The following TAF13 variants were observed in gnomAD, a reference collection of about 807,000 sequenced individuals.
TAF13 encodes transcription initiation factor TFIID subunit 13.
In TAF13, 9 loss-of-function variants were observed where a neutral mutation model predicts 18.7. The ratio of observed to expected loss-of-function variants is 0.48; its 90% CI spans 0.29 to 0.84. The LOEUF (loss-of-function observed/expected upper bound fraction) is 0.84. Ranked by LOEUF, TAF13 falls within the 40% of genes least tolerant of loss-of-function variation. The pLI is 0.08. For synonymous variants in TAF13, 49 were observed against 44.1 expected (o/e 1.11, Z -0.44); for missense variants, 105 against 146.5 (o/e 0.72, Z 1.46).
At chr1:109,073,994 A>G (rs35110103) in intron 2 of TAF13, among the ~76,000 whole-genome samples, 9,180 of 151,506 alleles carry the variant, frequency 0.061, 317 homozygotes, top group African/African-American at 0.076. Context: ...CCCGTCTGGG[A>G]ACTGAGGAGC....
At chr1:109,071,875 C>T (rs187324983) in intron 2 of TAF13, among the ~76,000 whole-genome samples, 243 of 149,674 alleles carry the variant, frequency 1.6e-3, no homozygotes, top group African/African-American at 5.7e-3. Context: ...TCGCTTGAGC[C>T]CAGGAGGCAG....
intron 2 of TAF13, among the ~76,000 whole-genome samples, chr1:109,073,120 G>C (rs111543448): frequency 1.3e-5 from 2 of 152,184 alleles, no homozygotes; most frequent in African/African-American, 4.8e-5. Context: ...CCTGTTGCAG[G>C]ATCCATTATT....
intron 2 of TAF13, among the ~76,000 whole-genome samples, chr1:109,067,279 G>C (rs181424869): frequency 2.0e-5 from 3 of 151,846 alleles, no homozygotes; most frequent in African/African-American, 7.3e-5. Context: ...GCAACATGGC[G>C]AAACCCTGTC....
chr1:109,066,885 A>G (rs1264563677), intron 2 of TAF13, among the ~76,000 whole-genome samples: 1 of 151,630 alleles, frequency 6.6e-6, no homozygotes, highest in Non-Finnish European at 1.5e-5. Flanking sequence ...ACGCCCGGCT[A>G]ATTTTTTGTA....
At position 109,074,979 on chromosome 1, in the gene TAF13, C is replaced by G. The variant is rs748686413; in HGVS notation, c.106+8G>C. ...TCTATAACAAAATCATTGTCAAATA[C>G]TACTTACATTCTTTAGAAAAAAGTC... On this transcript the variant is annotated splice_region_variant and intron_variant, in intron 2 of 3. Transcript: ENST00000338366. 22 of 1,585,954 alleles carry G rather than the reference C, an allele frequency of 1.4e-5. No homozygotes were observed. The East Asian group carries it at 4.3e-4, about 31-fold the overall frequency.
Position 109,071,960 on chromosome 1 carries a change from ATATATATATATATATACACACATAT to A in TAF13, c.106+3002_106+3026del, listed in dbSNP as rs1664065216. Among the ~76,000 whole-genome samples the A allele has an allele frequency of 1.7e-3, 8 of 4,790 alleles. 1 individual carries two copies. The South Asian group carries it at 0.024, about 14-fold the overall frequency. 3.1% of individuals were successfully genotyped at this position (4,790 alleles called of 152,430 possible). A position where few individuals can be genotyped will look rare whatever the true frequency, so the allele number is the denominator to read the frequency against. On this transcript the variant is annotated intron_variant, in intron 2 of 3. Transcript: ENST00000338366. ...TGAGACTCTGTCTCAAAAAGAAAAT[ATATATATATATATATACACACATAT>A]ATATATATATATATATATATATATA...
chr1:109,069,202 A>AGT (rs59365913), intron 2 of TAF13, among the ~76,000 whole-genome samples: 4,234 of 150,302 alleles, frequency 0.028, 159 homozygotes, highest in African/African-American at 0.089. Flanking sequence ...CAAGTGTGTG[A>AGT]GTGTGTGTGT....
chr1:109,072,077 CACACACATAT>C (rs1664082480), intron 2 of TAF13, among the ~76,000 whole-genome samples: 1 of 4,580 alleles, frequency 2.2e-4, no homozygotes, highest in African/African-American at 8.0e-4. Context: ...TATATATATA[CACACACATAT>C]ATATATATAT....
chr1:109,066,681 TGA>T (rs1663956403), intron 2 of TAF13, among the ~76,000 whole-genome samples: 1 of 152,102 alleles, frequency 6.6e-6, no homozygotes, highest in Non-Finnish European at 1.5e-5. Context: ...GGAAAAGACA[TGA>T]GAGACAGTTC....
At chr1:109,074,317 A>T (rs1664141453) in intron 2 of TAF13, among the ~76,000 whole-genome samples, 4 of 152,160 alleles carry the variant, frequency 2.6e-5, no homozygotes, top group Admixed American at 2.6e-4. Flanking sequence ...GTGTCCCCTC[A>T]GGGTTAAATG....
chr1:109,072,045 C>T (rs558649210), intron 2 of TAF13, among the ~76,000 whole-genome samples: 12 of 4,424 alleles, frequency 2.7e-3, no homozygotes, highest in South Asian at 8.5e-3. Context: ...TATATATATA[C>T]ACACACATAT....
intron 1 of TAF13, 95 bp downstream of exon 1, chr1:109,075,826 A>C: frequency 1.3e-6 from 2 of 1,545,904 alleles, no homozygotes; most frequent in Non-Finnish European, 1.8e-6. Flanking sequence ...CGCTGAATTC[A>C]CTAAGGCAAG....
intron 2 of TAF13, among the ~76,000 whole-genome samples, chr1:109,073,832 T>G (rs1664124630): frequency 6.6e-6 from 1 of 151,860 alleles, no homozygotes; most frequent in Admixed American, 6.6e-5. Flanking sequence ...GCCCATCCCC[T>G]GGGATGTGGG....
At chr1:109,070,838 T>A (rs765169564) in intron 2 of TAF13, among the ~76,000 whole-genome samples, 2 of 152,228 alleles carry the variant, frequency 1.3e-5, no homozygotes, top group Non-Finnish European at 2.9e-5. Flanking sequence ...AGGTCTTTGC[T>A]AACAACCGAC....
chr1:109,072,436 GTTTAT>G (rs556135697), intron 2 of TAF13, among the ~76,000 whole-genome samples: 15 of 151,868 alleles, frequency 9.9e-5, no homozygotes, highest in African/African-American at 2.9e-4. Context: ...CCATGTTATT[GTTTAT>G]TTTATTTGTT....
At chr1:109,071,954 G>GAAAAAAAAA (rs1171636503) in intron 2 of TAF13, among the ~76,000 whole-genome samples, 1 of 40,482 alleles carries the variant, frequency 2.5e-5, no homozygotes, top group South Asian at 1.6e-3. Context: ...GTCTCAAAAA[G>GAAAAAAAAA]AAAATATATA....
intron 2 of TAF13, among the ~76,000 whole-genome samples, chr1:109,069,362 T>C (rs1344545659): frequency 6.6e-6 from 1 of 152,236 alleles, no homozygotes; most frequent in Non-Finnish European, 1.5e-5. Context: ...ATCCTATGTA[T>C]ATTTTAAATC....
rs1663911696 is a variant in TAF13 at position 109,064,221 on chromosome 1, C to T, written c.*302G>A. Reference sequence around the variant, plus strand: ...TACAAGGGCATAAACATACCTAACACATTAAATACTACTTTATCCTTTAAA... The same window carrying T: ...TACAAGGGCATAAACATACCTAACATATTAAATACTACTTTATCCTTTAAA... On this transcript the variant is annotated 3_prime_UTR_variant, in exon 4 of 4. Transcript: ENST00000338366. The T allele has an allele frequency of 1.5e-5, 2 of 136,334 alleles. No homozygotes were observed. The highest frequency in any genetic ancestry group is 2.5e-4 in the South Asian group (1 of 3,976). 8.4% of individuals were successfully genotyped at this position (136,334 alleles called of 1,614,324 possible).
At chr1:109,075,768 C>T (rs1664167775) in intron 1 of TAF13, among the ~76,000 whole-genome samples, 153 bp downstream of exon 1, 2 of 152,226 alleles carry the variant, frequency 1.3e-5, no homozygotes, top group African/African-American at 4.8e-5. Flanking sequence ...TCCTTCCCCA[C>T]TTTCTAAAAT....
Sources: allele counts gnomAD v4.1 joint callset (sites outside exome capture counted in the v4.1 genomes callset), GRCh38; gene constraint gnomAD v4.1.1; transcripts MANE v1.5; gene names NCBI Gene and HGNC (gene_info 2026-07-23, HGNC 2026-07-21).